LSAMP: variants seen among roughly 807,000 people sequenced by gnomAD.
LSAMP encodes the protein limbic system associated membrane protein, also known as limbic system-associated membrane protein.
LSAMP carries 7 observed loss-of-function variants against 38.6 expected under a neutral mutation model. The observed-to-expected ratio is 0.18, with a 90% CI of 0.10 to 0.34. LSAMP has a LOEUF of 0.34. Ranked by LOEUF, LSAMP falls within the 10% of genes least tolerant of loss-of-function variation. The pLI is 1.00. For missense variants in LSAMP, 313 were observed against 420.0 expected, an observed-to-expected ratio of 0.75 and a Z score of 2.23; for synonymous variants, 154 against 166.8, an observed-to-expected ratio of 0.92 and a Z score of 0.59.
At chr3:116,378,508 C>T (rs2048519342) in intron 1 of LSAMP, among the ~76,000 whole-genome samples, 1 of 152,086 alleles carries the variant, frequency 6.6e-6, no homozygotes, top group Admixed American at 6.6e-5. Context: ...ATTTGTAGTA[C>T]ATTTTAGAAG....
chr3:116,101,974 A>G (rs1394244717), intron 1 of LSAMP, among the ~76,000 whole-genome samples: 1 of 152,208 alleles, frequency 6.6e-6, no homozygotes, highest in Non-Finnish European at 1.5e-5. Context: ...TTGTGATTAG[A>G]TCATAATCAG....
intron 3 of LSAMP, among the ~76,000 whole-genome samples, chr3:115,863,972 A>G (rs1259532846): frequency 6.6e-6 from 1 of 152,202 alleles, no homozygotes; most frequent in African/African-American, 2.4e-5. Context: ...ATATAAAATC[A>G]GAACAATTTT....
intron 1 of LSAMP, among the ~76,000 whole-genome samples, chr3:116,381,289 C>G (rs1215251739): frequency 1.3e-5 from 2 of 151,996 alleles, no homozygotes; most frequent in Non-Finnish European, 2.9e-5. Context: ...TACTTGAAAT[C>G]TGGAACTATG....
intron 1 of LSAMP, among the ~76,000 whole-genome samples, chr3:116,408,164 A>C (rs1366591809): frequency 6.6e-6 from 1 of 152,102 alleles, no homozygotes; most frequent in African/African-American, 2.4e-5. Context: ...ACACATATCT[A>C]TGTCATTTAA....
chr3:116,373,207 T>A (rs927022920), intron 1 of LSAMP, among the ~76,000 whole-genome samples: 1 of 151,300 alleles, frequency 6.6e-6, no homozygotes. Context: ...AACGTGTTTT[T>A]TATATATATG....
At chr3:116,193,799 A>T (rs1262555913) in intron 1 of LSAMP, among the ~76,000 whole-genome samples, 5 of 152,238 alleles carry the variant, frequency 3.3e-5, no homozygotes, top group Admixed American at 2.6e-4. Context: ...TGAAATGAAG[A>T]CTACAATGCC....
chr3:116,376,467 T>C (rs2048494942), intron 1 of LSAMP, among the ~76,000 whole-genome samples: 1 of 151,992 alleles, frequency 6.6e-6, no homozygotes, highest in Non-Finnish European at 1.5e-5. Context: ...GCAGTGGGAT[T>C]CAGGTTTATC....
At chr3:115,814,462 A>G (rs1000669034) in intron 6 of LSAMP, among the ~76,000 whole-genome samples, 23 of 152,176 alleles carry the variant, frequency 1.5e-4, no homozygotes, top group African/African-American at 5.3e-4. Context: ...GAGCCAATTG[A>G]TTTGTTTTTC....
chr3:116,210,795 TAAC>T (rs2046145847), intron 1 of LSAMP, among the ~76,000 whole-genome samples: 1 of 151,758 alleles, frequency 6.6e-6, no homozygotes, highest in Non-Finnish European at 1.5e-5. Context: ...TAATAGTAAA[TAAC>T]AATGAAAAGT....
At chr3:115,971,836 C>T (rs1430487021) in intron 3 of LSAMP, among the ~76,000 whole-genome samples, 1 of 152,006 alleles carries the variant, frequency 6.6e-6, no homozygotes, top group South Asian at 2.1e-4. Flanking sequence ...AAGGAATGAA[C>T]AAATCAATTA....
intron 2 of LSAMP, among the ~76,000 whole-genome samples, chr3:116,036,997 T>G (rs1172105579): frequency 6.6e-6 from 1 of 152,146 alleles, no homozygotes; most frequent in Admixed American, 6.6e-5. Flanking sequence ...TTTTTCTTCC[T>G]CCAGCTAGAG....
At chr3:116,419,367 C>T (rs973731742) in intron 1 of LSAMP, among the ~76,000 whole-genome samples, 4 of 152,130 alleles carry the variant, frequency 2.6e-5, no homozygotes, top group African/African-American at 7.2e-5. Context: ...AATCATTTAC[C>T]GATTTCATTT....
At chr3:115,923,525 A>C (rs1014558086) in intron 3 of LSAMP, among the ~76,000 whole-genome samples, 21 of 152,168 alleles carry the variant, frequency 1.4e-4, no homozygotes, top group Non-Finnish European at 1.2e-4. Context: ...CTATTTTGCT[A>C]TCTTGTTGAT....
At chr3:116,127,535 C>A (rs1328899675) in intron 1 of LSAMP, among the ~76,000 whole-genome samples, 1 of 152,070 alleles carries the variant, frequency 6.6e-6, no homozygotes, top group Non-Finnish European at 1.5e-5. Context: ...AGTTTTAAAT[C>A]ATTTTCAGAA....
intron 1 of LSAMP, among the ~76,000 whole-genome samples, chr3:116,174,341 C>A (rs1454072063): frequency 2.0e-5 from 3 of 151,874 alleles, no homozygotes; most frequent in Non-Finnish European, 4.4e-5. Context: ...GAAGCAGCCG[C>A]CATAGGGTAA....
At chr3:116,312,786 A>G (rs1292399465) in intron 1 of LSAMP, among the ~76,000 whole-genome samples, 2 of 152,168 alleles carry the variant, frequency 1.3e-5, no homozygotes, top group Admixed American at 1.3e-4. Context: ...AAACAAGAGA[A>G]TAATGTTTTC....
chr3:116,349,016 C>A (rs980202584), intron 1 of LSAMP, among the ~76,000 whole-genome samples: 2 of 152,054 alleles, frequency 1.3e-5, no homozygotes, highest in Non-Finnish European at 2.9e-5. Flanking sequence ...TCTCGGCAGA[C>A]CTGTGACACT....
At chr3:116,378,273 T>C (rs886894963) in intron 1 of LSAMP, among the ~76,000 whole-genome samples, 3 of 152,036 alleles carry the variant, frequency 2.0e-5, no homozygotes, top group Non-Finnish European at 2.9e-5. Flanking sequence ...TTGTGGTATT[T>C]TTTTCAAGGG....
chr3:116,179,684 A>C (rs1437354473), intron 1 of LSAMP, among the ~76,000 whole-genome samples: 1 of 152,080 alleles, frequency 6.6e-6, no homozygotes, highest in Non-Finnish European at 1.5e-5. Context: ...ATGAGAGCTC[A>C]TTCACTGTCA....
Sources: allele counts gnomAD v4.1 joint callset (sites outside exome capture counted in the v4.1 genomes callset), GRCh38; gene constraint gnomAD v4.1.1; transcripts MANE v1.5; gene names NCBI Gene and HGNC (gene_info 2026-07-23, HGNC 2026-07-21).